FAM168B: variants seen among roughly 807,000 people sequenced by gnomAD.
FAM168B encodes family with sequence similarity 168 member B, also known as myelin-associated neurite-outgrowth inhibitor.
Under a neutral mutation model 21.8 loss-of-function variants are expected in FAM168B, and 19 were observed. The observed-to-expected ratio is 0.87, with a 90% CI of 0.61 to 1.28. The LOEUF (loss-of-function observed/expected upper bound fraction) is 1.28, where lower values mean the gene tolerates loss of function less well. FAM168B is among the 50% of genes most tolerant of loss of function. The pLI, the probability that FAM168B is intolerant of heterozygous loss-of-function variation, is 0.00. For synonymous variants in FAM168B, 126 were observed against 104.8 expected, an observed-to-expected ratio of 1.20 and a Z score of -1.24; for missense variants, 233 against 263.1, an observed-to-expected ratio of 0.89 and a Z score of 0.79.
At chr2:131,075,587 T>C (rs1432133506) in intron 2 of FAM168B, among the ~76,000 whole-genome samples, 1 of 151,922 alleles carries the variant, frequency 6.6e-6, no homozygotes, top group Non-Finnish European at 1.5e-5. Context: ...CTCCGCCTCC[T>C]GGGTTCACGC....
chr2:131,061,016 TA>T (rs1692265302), intron 3 of FAM168B, among the ~76,000 whole-genome samples: 1 of 150,862 alleles, frequency 6.6e-6, no homozygotes, highest in East Asian at 2.0e-4. Flanking sequence ...CAAGCCTGGC[TA>T]ATTTTTTTTT....
chr2:131,053,061 G>C, intron 5 of FAM168B, 46 bp from the exon 6 acceptor site: 1 of 1,507,894 alleles, frequency 6.6e-7, no homozygotes. Context: ...CTCCTGCACA[G>C]CTCCACACTG....
intron 1 of FAM168B, among the ~76,000 whole-genome samples, chr2:131,091,588 A>AGT: frequency 6.6e-6 from 1 of 151,654 alleles, no homozygotes; most frequent in East Asian, 1.9e-4. Flanking sequence ...CGGAGGTTGC[A>AGT]GTGAGCCGAG....
Position 131,048,903 on chromosome 2 carries a change from G to T in FAM168B, c.*3562C>A, listed in dbSNP as rs746466767. ...TCCTGTCCGGGCAACAGCCAAACTG[G>T]CGACAATGGACACATCCAACAGTCA... On this transcript the variant is annotated 3_prime_UTR_variant, in exon 7 of 7. Transcript: ENST00000389915. The T allele has an allele frequency of 2.8e-5, 28 of 985,896 alleles. No homozygotes were observed. Among genetic ancestry groups the T allele is most frequent in the Non-Finnish European group, 3.4e-5 (28 of 830,090 alleles). 61.1% of individuals were successfully genotyped at this position (985,896 alleles called of 1,614,324 possible).
In FAM168B at chr2:131,048,411, G is replaced by T. The variant is rs11541220; in HGVS notation, c.*4054C>A. The T allele has an allele frequency of 0.13, 169,759 of 1,261,862 alleles. 12,686 individuals are homozygous for T. The highest frequency in any genetic ancestry group is 0.24 in the South Asian group (18,292 of 74,994). The allele number at this position is 1,261,862 out of a possible 1,614,324, so 78.2% of individuals were successfully genotyped here. On this transcript the variant is annotated 3_prime_UTR_variant, in exon 7 of 7. Coordinates refer to ENST00000389915, the MANE Select transcript of FAM168B (RefSeq NM_001009993.4). ...ACACCACCCTTCTGCAGGCCCGGGG[G>T]GGGGTCCCTACACAGACGCCGCTCA...
chr2:131,073,868 G>A (rs553564741), intron 2 of FAM168B, among the ~76,000 whole-genome samples: 2 of 152,308 alleles, frequency 1.3e-5, no homozygotes, highest in African/African-American at 2.4e-5. Context: ...TACAGTCCAC[G>A]TGCAAATAAG....
chr2:131,050,475 GT>G lies in FAM168B; in HGVS notation c.*1989del, dbSNP rs1196723104. 40 of 985,730 alleles carry G rather than the reference GT, an allele frequency of 4.1e-5. No individual in the cohort carries two copies. Among genetic ancestry groups the G allele is most frequent in the Non-Finnish European group, 4.6e-5 (38 of 829,960 alleles). 61.1% of individuals were successfully genotyped at this position (985,730 alleles called of 1,614,324 possible). On this transcript the variant is annotated 3_prime_UTR_variant, in exon 7 of 7. Transcript: ENST00000389915. ...ACTTGAAGAAAGGGGCACAAACTGT[GT>G]GCCTGCGGTAAATGTCTGCCCCCAC...
At chr2:131,075,185 T>G (rs1693079031) in intron 2 of FAM168B, among the ~76,000 whole-genome samples, 2 of 151,686 alleles carry the variant, frequency 1.3e-5, no homozygotes, top group Admixed American at 1.3e-4. Context: ...GAAGCCCAAT[T>G]GTGAGCACAG....
chr2:131,060,588 T>C (rs908388008), intron 3 of FAM168B, among the ~76,000 whole-genome samples: 1 of 152,130 alleles, frequency 6.6e-6, no homozygotes, highest in Admixed American at 6.6e-5. Context: ...ACTGGGCAAA[T>C]GTAAATAGGA....
intron 1 of FAM168B, among the ~76,000 whole-genome samples, chr2:131,083,968 A>G (rs972452633): frequency 6.6e-6 from 1 of 151,972 alleles, no homozygotes; most frequent in African/African-American, 2.4e-5. Context: ...CAGTGGCATG[A>G]TCTCAGCTCA....
Position 131,049,854 on chromosome 2 carries a change from C to A in FAM168B, c.*2611G>T, listed in dbSNP as rs951418821. 1.0e-6 allele frequency: 1 copy of A among 985,782 alleles called. No homozygotes were observed. Among genetic ancestry groups the A allele is most frequent in the East Asian group, 1.1e-4 (1 of 8,814 alleles). The allele number at this position is 985,782 out of a possible 1,614,324, so 61.1% of individuals were successfully genotyped here. A position where few individuals can be genotyped will look rare whatever the true frequency, so the allele number is the denominator to read the frequency against. ...TTGTAACAGAATTTTGACCCAAGTT[C>A]TATTTCTTAATTGACTTTAATTTTA... On this transcript the variant is annotated 3_prime_UTR_variant, in exon 7 of 7. Coordinates refer to ENST00000389915, the MANE Select transcript of FAM168B (RefSeq NM_001009993.4).
At chr2:131,055,812 T>TG in intron 3 of FAM168B, 117 bp from the exon 4 acceptor site, 3 of 1,252,130 alleles carry the variant, frequency 2.4e-6, no homozygotes, top group Non-Finnish European at 3.3e-6. Context: ...CCAGACCTGC[T>TG]GCCACTGCCG....
intron 1 of FAM168B, among the ~76,000 whole-genome samples, chr2:131,090,771 C>T (rs1484106615): frequency 1.3e-5 from 2 of 152,068 alleles, no homozygotes; most frequent in African/African-American, 4.8e-5. Context: ...CTTTGTTGCC[C>T]AGGCTGGAGG....
At chr2:131,080,949 C>A (rs180777416) in intron 2 of FAM168B, among the ~76,000 whole-genome samples, 1 of 152,074 alleles carries the variant, frequency 6.6e-6, no homozygotes, top group Non-Finnish European at 1.5e-5. Context: ...GGATTACAGG[C>A]ATGAGCCACT....
In FAM168B at chr2:131,062,236, C is replaced by G. The variant is rs970249508; in HGVS notation, c.155-6541G>C. Among the ~76,000 whole-genome samples the G allele has an allele frequency of 6.6e-5, 10 of 152,232 alleles. 1 individual carries two copies. The highest frequency in any genetic ancestry group is 6.5e-4 in the Admixed American group (10 of 15,290). Reference sequence around the variant, plus strand: ...AAGTGAGGAAAATCTGAGAACACCTCTCTCCAAAGAGGGAGTCTCTCAGCC... The same window carrying G: ...AAGTGAGGAAAATCTGAGAACACCTGTCTCCAAAGAGGGAGTCTCTCAGCC... On this transcript the variant is annotated intron_variant, in intron 3 of 6. Transcript: ENST00000389915.
chr2:131,063,584 G>A (rs1372925010), intron 3 of FAM168B, among the ~76,000 whole-genome samples: 2 of 152,082 alleles, frequency 1.3e-5, no homozygotes, highest in African/African-American at 4.8e-5. Flanking sequence ...TTCTGAGACT[G>A]GCCTGAGCAG....
chr2:131,066,699 A>G (rs976973645), intron 3 of FAM168B, among the ~76,000 whole-genome samples: 1 of 152,194 alleles, frequency 6.6e-6, no homozygotes, highest in African/African-American at 2.4e-5. Context: ...AAATCCTCCC[A>G]TAAGAAATCA....
chr2:131,072,906 G>A (rs1453320261), intron 2 of FAM168B, among the ~76,000 whole-genome samples: 3 of 152,142 alleles, frequency 2.0e-5, no homozygotes, highest in Non-Finnish European at 4.4e-5. Context: ...CAGAATTCAA[G>A]TCTAGCTTGG....
intron 1 of FAM168B, among the ~76,000 whole-genome samples, chr2:131,084,533 T>A (rs1693586839): frequency 6.6e-6 from 1 of 151,876 alleles, no homozygotes; most frequent in South Asian, 2.1e-4. Flanking sequence ...CTTGTTAAGT[T>A]TTTTTTCCTA....
Sources: allele counts gnomAD v4.1 joint callset (sites outside exome capture counted in the v4.1 genomes callset), GRCh38; gene constraint gnomAD v4.1.1; transcripts MANE v1.5; gene names NCBI Gene and HGNC (gene_info 2026-07-23, HGNC 2026-07-21).